The following RIN3 variants were observed in gnomAD, a reference collection of about 807,000 sequenced individuals.
The protein encoded by RIN3 is Ras and Rab interactor 3.
Under a neutral mutation model 76.3 loss-of-function variants are expected in RIN3, and 54 were observed. The observed-to-expected ratio is 0.71, with a 90% CI of 0.57 to 0.89. The LOEUF (loss-of-function observed/expected upper bound fraction) is 0.89, where lower values mean the gene tolerates loss of function less well. Ranked by LOEUF, RIN3 falls within the 40% of genes least tolerant of loss-of-function variation. The pLI is 0.00. For missense variants in RIN3, 1,256 were observed against 1,322.1 expected, an observed-to-expected ratio of 0.95 and a Z score of 0.78; for synonymous variants, 576 against 564.0, an observed-to-expected ratio of 1.02 and a Z score of -0.30.
chr14:92,584,089 G>A (rs999924638), intron 3 of RIN3, among the ~76,000 whole-genome samples: 4 of 152,026 alleles, frequency 2.6e-5, no homozygotes, highest in Non-Finnish European at 5.9e-5. Context: ...ACGTGCATAC[G>A]TTATAGGCAG....
chr14:92,555,700 C>A, intron 1 of RIN3, 51 bp from the exon 2 acceptor site: 2 of 1,582,784 alleles, frequency 1.3e-6, no homozygotes, highest in Non-Finnish European at 1.7e-6. Flanking sequence ...GTGTTATAAA[C>A]CTTCTCTGGG....
At chr14:92,545,802 C>G (rs1398575070) in intron 1 of RIN3, among the ~76,000 whole-genome samples, 2 of 151,940 alleles carry the variant, frequency 1.3e-5, no homozygotes, top group Non-Finnish European at 2.9e-5. Flanking sequence ...TCTCTTTACC[C>G]CACATACTTC....
chr14:92,591,635 A>T (rs1489114724), intron 3 of RIN3, among the ~76,000 whole-genome samples: 1 of 152,196 alleles, frequency 6.6e-6, no homozygotes, highest in African/African-American at 2.4e-5. Flanking sequence ...TAAGAATTAC[A>T]TCTGACTTCT....
At chr14:92,644,284 A>G (rs1183650827) in intron 5 of RIN3, 2 of 152,094 alleles carry the variant, frequency 1.3e-5, no homozygotes, top group African/African-American at 2.4e-5. Flanking sequence ...TCTATGACAC[A>G]TTGCTGCACC....
Position 92,688,214 on chromosome 14 carries a change from C to T in RIN3, c.2920C>T (p.Pro974Ser). ...DGGGGGGGGSPPCLVVREPNF... is the reference protein window; with the variant it reads ...DGGGGGGGGSSPCLVVREPNF... ...TGGTGGCGGCGGCGGCGGCGGGAGC[C>T]CGCCCTGCCTGGTGGTGCGGGAGCC... Residue 974 changes from proline to serine, a missense_variant, in exon 10 of 10, where the codon CCG (proline) becomes TCG (serine). Physicochemically the swap from Pro to Ser is moderately conservative, Grantham distance 74 (BLOSUM62 -1). Around this residue, in one of 3 missense-constraint regions of RIN3, gnomAD observed 218 missense variants for 174.5 expected, o/e 1.25. Transcript: ENST00000216487. 6.2e-7 allele frequency: 1 copy of T among 1,602,986 alleles called. No individual in the cohort carries two copies.
intron 2 of RIN3, chr14:92,576,194 G>T: frequency 8.1e-7 from 1 of 1,241,606 alleles, no homozygotes; most frequent in South Asian, 1.4e-5. Context: ...CACCTGCCAA[G>T]GAGGGATGAG....
rs866406801 is a variant in RIN3 at position 92,601,295 on chromosome 14, C to T, written c.368-14112C>T. ...CTTTCTCTTGGGTCTAGAGCCTCAC[C>T]AGCCCCATGTGGTAGGTGAGGGCAC... On this transcript the variant is annotated intron_variant, in intron 3 of 9. Coordinates refer to ENST00000216487, the MANE Select transcript of RIN3 (RefSeq NM_024832.5). Among the ~76,000 whole-genome samples, 7 of 152,238 alleles carry T rather than the reference C, an allele frequency of 4.6e-5. No individual in the cohort carries two copies. The South Asian group carries it at 6.2e-4, about 14-fold the overall frequency.
chr14:92,603,284 T>C (rs774823783), intron 3 of RIN3, among the ~76,000 whole-genome samples: 2 of 152,194 alleles, frequency 1.3e-5, no homozygotes. Flanking sequence ...ATGCTTTTTT[T>C]CAGCACATTT....
intron 4 of RIN3, among the ~76,000 whole-genome samples, chr14:92,629,469 A>C (rs182957588): frequency 2.6e-5 from 4 of 152,374 alleles, no homozygotes; most frequent in Admixed American, 2.0e-4. Flanking sequence ...AGAGGATTCC[A>C]TTGGTTACTT....
intron 2 of RIN3, among the ~76,000 whole-genome samples, chr14:92,560,892 C>T (rs1260137736): frequency 4.7e-5 from 7 of 149,240 alleles, no homozygotes; most frequent in Non-Finnish European, 7.4e-5. Context: ...TGGTGGTGGG[C>T]GCCTGTAATC....
chr14:92,644,268 C>T (rs1248547944), intron 5 of RIN3, among the ~76,000 whole-genome samples: 2 of 152,156 alleles, frequency 1.3e-5, no homozygotes, highest in African/African-American at 4.8e-5. Context: ...AGATGCATGG[C>T]CTCAGTCTAT....
At chr14:92,529,039 C>A (rs976370723) in intron 1 of RIN3, among the ~76,000 whole-genome samples, 27 of 152,084 alleles carry the variant, frequency 1.8e-4, no homozygotes, top group Admixed American at 3.3e-4. Context: ...TTTAGTGGGT[C>A]CTGGTTCAAA....
intron 6 of RIN3, among the ~76,000 whole-genome samples, chr14:92,654,894 G>C (rs1485876053): frequency 6.6e-6 from 1 of 152,168 alleles, no homozygotes; most frequent in Non-Finnish European, 1.5e-5. Flanking sequence ...AGTAGGGCCG[G>C]GTGCAGTGGC....
At chr14:92,646,122 C>T (rs1887190046) in intron 5 of RIN3, among the ~76,000 whole-genome samples, 1 of 152,138 alleles carries the variant, frequency 6.6e-6, no homozygotes, top group South Asian at 2.1e-4. Context: ...AAGGGCTTTC[C>T]TCATTTTGGG....
chr14:92,637,531 C>A (rs1446032825), intron 4 of RIN3, among the ~76,000 whole-genome samples: 2 of 152,082 alleles, frequency 1.3e-5, no homozygotes. Context: ...GGTTGGGGAC[C>A]CCTGGGGTAG....
chr14:92,546,189 G>A (rs59911846), intron 1 of RIN3, among the ~76,000 whole-genome samples: 1 of 151,658 alleles, frequency 6.6e-6, no homozygotes, highest in African/African-American at 2.4e-5. Flanking sequence ...CTTCCCAAAG[G>A]GCTGGGATTA....
chr14:92,532,649 G>T (rs997934099), intron 1 of RIN3, among the ~76,000 whole-genome samples: 3 of 152,178 alleles, frequency 2.0e-5, no homozygotes, highest in Non-Finnish European at 2.9e-5. Flanking sequence ...AACCCCAGAT[G>T]ATGAGGAACT....
chr14:92,629,913 G>C (rs1339227732), intron 4 of RIN3, among the ~76,000 whole-genome samples: 1 of 152,224 alleles, frequency 6.6e-6, no homozygotes, highest in Admixed American at 6.5e-5. Context: ...TCTGATGCCT[G>C]TAGGCCCACA....
At chr14:92,581,301 G>C (rs550467780) in intron 3 of RIN3, among the ~76,000 whole-genome samples, 31 of 152,210 alleles carry the variant, frequency 2.0e-4, no homozygotes, top group Non-Finnish European at 3.4e-4. Context: ...GGAGGGTACA[G>C]ACCTGTCTCT....
Sources: gnomAD v4.1 joint callset for allele counts (sites outside exome capture counted in the v4.1 genomes callset) on GRCh38, gnomAD v4.1.1 for gene constraint, gnomAD v4.1.1 regional missense constraint, MANE v1.5 for transcripts, NCBI Gene and HGNC (gene_info 2026-07-23, HGNC 2026-07-21) for gene names.